FMN1: variants seen among roughly 807,000 people sequenced by gnomAD.
FMN1 encodes the protein formin-1.
A neutral mutation model predicts 132.4 loss-of-function variants in FMN1; 110 were observed. The ratio of observed to expected loss-of-function variants is 0.83; its 90% CI spans 0.71 to 0.97. The LOEUF (loss-of-function observed/expected upper bound fraction) is 0.97, where lower values mean the gene tolerates loss of function less well. Ranked by LOEUF, FMN1 falls within the 50% of genes least tolerant of loss-of-function variation. FMN1 has a pLI of 0.00. For synonymous variants in FMN1, 722 were observed against 651.7 expected (o/e 1.11, Z -1.64); for missense variants, 1,792 against 1,705.3 (o/e 1.05, Z -0.90).
intron 4 of FMN1, among the ~76,000 whole-genome samples, chr15:33,128,249 C>T (rs2045189): frequency 0.78 from 118,708 of 151,886 alleles, 46,567 homozygotes; most frequent in East Asian, 0.88. Context: ...ATTTCCAACA[C>T]CCTCAGAGAG....
chr15:33,054,574 A>C (rs1337110573), intron 6 of FMN1, among the ~76,000 whole-genome samples: 1 of 152,232 alleles, frequency 6.6e-6, no homozygotes, highest in Non-Finnish European at 1.5e-5. Flanking sequence ...AGCAAGAGCA[A>C]TCTGTTTATC....
At chr15:33,127,896 A>T (rs562480778) in intron 4 of FMN1, among the ~76,000 whole-genome samples, 1 of 151,744 alleles carries the variant, frequency 6.6e-6, no homozygotes, top group South Asian at 2.1e-4. Flanking sequence ...GCCTCTCTTT[A>T]TTCTACAACA....
intron 6 of FMN1, chr15:33,063,496 T>TA (rs1414873867): frequency 6.6e-6 from 1 of 152,218 alleles, no homozygotes; most frequent in South Asian, 2.1e-4. Flanking sequence ...AGCGCTCTCT[T>TA]ACTGCTTTTT....
At position 32,926,551 on chromosome 15, in the gene FMN1, A is replaced by G. The variant is rs1596289604; in HGVS notation, c.3139-290T>C. Among the ~76,000 whole-genome samples the G allele has an allele frequency of 2.0e-5, 3 of 152,362 alleles. No individual in the cohort carries two copies. In the East Asian group the frequency reaches 5.8e-4, roughly 29 times the overall value. ...TCATTTTACTCAAGTACAAAGTTAT[A>G]CCAGCATCAAGATGTACAGAATGTG... On this transcript the variant is annotated intron_variant, in intron 9 of 20. Transcript: ENST00000616417.
chr15:33,191,105 G>A (rs945844747), intron 2 of FMN1, among the ~76,000 whole-genome samples: 2 of 151,396 alleles, frequency 1.3e-5, no homozygotes, highest in African/African-American at 4.9e-5. Flanking sequence ...GGGAGGCGGA[G>A]CTTGCAGTGT....
intron 6 of FMN1, among the ~76,000 whole-genome samples, chr15:33,017,585 G>A (rs1186255488): frequency 6.6e-6 from 1 of 152,092 alleles, no homozygotes; most frequent in Non-Finnish European, 1.5e-5. Flanking sequence ...TAAAATATTG[G>A]ACAATAACTG....
At chr15:33,125,401 A>ACT (rs1198967034) in intron 4 of FMN1, among the ~76,000 whole-genome samples, 2 of 151,952 alleles carry the variant, frequency 1.3e-5, no homozygotes, top group East Asian at 3.9e-4. Context: ...AGAAAGGTAG[A>ACT]CTCTTCCTAG....
At chr15:33,138,942 G>T (rs547753900) in intron 4 of FMN1, among the ~76,000 whole-genome samples, 67 of 128,370 alleles carry the variant, frequency 5.2e-4, no homozygotes, top group Admixed American at 8.3e-4. Flanking sequence ...TGATGAGTAG[G>T]TTCGTCTAAT....
chr15:32,979,362 T>TG (rs996829554), intron 7 of FMN1, among the ~76,000 whole-genome samples: 1 of 152,070 alleles, frequency 6.6e-6, no homozygotes, highest in Non-Finnish European at 1.5e-5. Flanking sequence ...GAGACCATCC[T>TG]GGCTAACATG....
chr15:32,799,804 A>T (rs2057416974), intron 18 of FMN1, among the ~76,000 whole-genome samples: 1 of 152,110 alleles, frequency 6.6e-6, no homozygotes, highest in South Asian at 2.1e-4. Flanking sequence ...CTTTGAACTC[A>T]ATCTTTCCCC....
intron 4 of FMN1, among the ~76,000 whole-genome samples, chr15:33,147,316 G>C (rs554555666): frequency 5.9e-5 from 9 of 152,314 alleles, no homozygotes; most frequent in African/African-American, 1.7e-4. Context: ...ATGAGGCAGA[G>C]TGTTGAGTTA....
chr15:33,009,949 C>A (rs1056787344), intron 6 of FMN1, among the ~76,000 whole-genome samples: 1 of 152,130 alleles, frequency 6.6e-6, no homozygotes, highest in East Asian at 1.9e-4. Flanking sequence ...TGCAATGGCA[C>A]GATCTTGGCT....
chr15:33,056,575 C>T (rs1236588268), intron 6 of FMN1, among the ~76,000 whole-genome samples: 2 of 152,176 alleles, frequency 1.3e-5, no homozygotes, highest in Non-Finnish European at 2.9e-5. Context: ...TCTGTTTACA[C>T]CTCCATTTGG....
At chr15:32,829,919 C>T (rs1017384672) in intron 17 of FMN1, among the ~76,000 whole-genome samples, 8 of 152,128 alleles carry the variant, frequency 5.3e-5, no homozygotes, top group Non-Finnish European at 1.0e-4. Flanking sequence ...ATTTCTCCCA[C>T]GTGGCAGAGT....
At chr15:33,061,512 A>T (rs2037481513) in intron 6 of FMN1, among the ~76,000 whole-genome samples, 1 of 152,004 alleles carries the variant, frequency 6.6e-6, no homozygotes, top group Admixed American at 6.6e-5. Context: ...GTTTTATAAG[A>T]CACGCTCCTC....
chr15:32,842,248 G>C (rs1343923866), intron 17 of FMN1, among the ~76,000 whole-genome samples: 3 of 152,154 alleles, frequency 2.0e-5, no homozygotes, highest in Non-Finnish European at 4.4e-5. Context: ...ATGAGAAAGC[G>C]CAAGCCATGT....
chr15:33,183,483 C>A (rs1432900534), intron 2 of FMN1, among the ~76,000 whole-genome samples: 1 of 152,206 alleles, frequency 6.6e-6, no homozygotes, highest in African/African-American at 2.4e-5. Flanking sequence ...AGGACAGAGA[C>A]TGTGTGTTAC....
rs1285145571 is a variant in FMN1 at position 32,776,936 on chromosome 15, G to A, written c.4131-17C>T. The A allele has an allele frequency of 6.9e-7, 1 of 1,454,712 alleles. No individual in the cohort carries two copies. The highest frequency in any genetic ancestry group is 9.5e-7 in the Non-Finnish European group (1 of 1,049,012). 90.1% of individuals were successfully genotyped at this position (1,454,712 alleles called of 1,614,324 possible). A position where few individuals can be genotyped will look rare whatever the true frequency, so the allele number is the denominator to read the frequency against. ...ATTTTCAATCTGAAATAGAAATAGG[G>A]AAAAGACAGGGGAGAGAGGGAAAAG... On this transcript the variant is annotated splice_polypyrimidine_tract_variant and intron_variant, in intron 19 of 20. Coordinates refer to ENST00000616417, the MANE Select transcript of FMN1 (RefSeq NM_001277313.2).
At chr15:32,934,829 A>G (rs954458117) in intron 9 of FMN1, among the ~76,000 whole-genome samples, 3 of 150,230 alleles carry the variant, frequency 2.0e-5, no homozygotes, top group African/African-American at 7.3e-5. Context: ...CTGGTCTCAA[A>G]CTCCTGACCT....
Sources: gnomAD v4.1 joint callset for allele counts (sites outside exome capture counted in the v4.1 genomes callset) on GRCh38, gnomAD v4.1.1 for gene constraint, MANE v1.5 for transcripts, NCBI Gene and HGNC (gene_info 2026-07-23, HGNC 2026-07-21) for gene names.